The following MYRIP variants were observed in gnomAD, a reference collection of about 807,000 sequenced individuals.
MYRIP encodes the protein myosin VIIA and Rab interacting protein.
A neutral mutation model predicts 98.0 loss-of-function variants in MYRIP; 49 were observed. The ratio of observed to expected loss-of-function variants is 0.50; its 90% CI spans 0.40 to 0.63. The LOEUF (loss-of-function observed/expected upper bound fraction) is 0.63, where lower values mean the gene tolerates loss of function less well. MYRIP is among the 30% of genes least tolerant of loss of function. The pLI, the probability that MYRIP is intolerant of heterozygous loss-of-function variation, is 0.00. For missense variants in MYRIP, 1,004 were observed against 1,058.2 expected, an observed-to-expected ratio of 0.95 and a Z score of 0.71; for synonymous variants, 404 against 409.5, an observed-to-expected ratio of 0.99 and a Z score of 0.16.
At chr3:40,178,686 A>G (rs2125611363) in intron 8 of MYRIP, among the ~76,000 whole-genome samples, 1 of 152,352 alleles carries the variant, frequency 6.6e-6, no homozygotes, top group Admixed American at 6.5e-5. Flanking sequence ...TGCGCTATGC[A>G]TGATACTGAT....
intron 2 of MYRIP, among the ~76,000 whole-genome samples, chr3:40,025,463 T>G (rs1947103881): frequency 6.6e-6 from 1 of 152,106 alleles, no homozygotes; most frequent in South Asian, 2.1e-4. Context: ...AAGTATACTT[T>G]TAAATTATCA....
At chr3:40,159,011 T>C (rs891912109) in intron 4 of MYRIP, among the ~76,000 whole-genome samples, 5 of 152,130 alleles carry the variant, frequency 3.3e-5, no homozygotes, top group Admixed American at 6.5e-5. Context: ...GTTAATATTG[T>C]TATATGTGAA....
intron 3 of MYRIP, among the ~76,000 whole-genome samples, chr3:40,129,973 C>T (rs1009526836): frequency 2.0e-5 from 3 of 152,178 alleles, no homozygotes; most frequent in African/African-American, 4.8e-5. Flanking sequence ...ACTGCTTATA[C>T]AACAAGTCCC....
intron 2 of MYRIP, among the ~76,000 whole-genome samples, chr3:39,954,634 C>G (rs535158082): frequency 2.0e-5 from 3 of 152,098 alleles, no homozygotes; most frequent in Non-Finnish European, 4.4e-5. Context: ...GAATGCAGCC[C>G]CTTGCCAGCA....
chr3:40,168,594 C>T (rs1340241221), intron 7 of MYRIP, among the ~76,000 whole-genome samples: 3 of 152,240 alleles, frequency 2.0e-5, no homozygotes, highest in African/African-American at 4.8e-5. Context: ...CACACATCTG[C>T]AGTAGCTGCA....
intron 2 of MYRIP, among the ~76,000 whole-genome samples, chr3:39,974,558 A>G (rs1466186017): frequency 6.6e-6 from 1 of 152,236 alleles, no homozygotes; most frequent in African/African-American, 2.4e-5. Context: ...TTATGAGGCC[A>G]GCATCATCCC....
chr3:39,998,148 A>C (rs1206566656), intron 2 of MYRIP, among the ~76,000 whole-genome samples: 2 of 151,924 alleles, frequency 1.3e-5, no homozygotes, highest in Non-Finnish European at 2.9e-5. Context: ...CTCTCTCACC[A>C]CTCCTATTCA....
chr3:40,083,118 C>T (rs1021187319), intron 3 of MYRIP, among the ~76,000 whole-genome samples: 3 of 152,210 alleles, frequency 2.0e-5, no homozygotes, highest in Non-Finnish European at 4.4e-5. Flanking sequence ...CTGCTGTGCA[C>T]TGTATTCCAG....
In MYRIP at chr3:39,973,735, G is replaced by T. The variant is rs558158574; in HGVS notation, c.111-70315G>T. Among the ~76,000 whole-genome samples, 163 of 152,242 alleles carry T rather than the reference G, an allele frequency of 1.1e-3. 1 individual carries two copies. The highest frequency in any genetic ancestry group is 3.7e-3 in the African/African-American group (153 of 41,552). On this transcript the variant is annotated intron_variant, in intron 2 of 16. Transcript: ENST00000302541. Reference sequence around the variant, plus strand: ...GCAGTGCAATCAAACTAGAACTCAGGATTAAGAAACTCATTCAAAACCGCC... The same window carrying T: ...GCAGTGCAATCAAACTAGAACTCAGTATTAAGAAACTCATTCAAAACCGCC...
intron 2 of MYRIP, among the ~76,000 whole-genome samples, chr3:39,985,071 GTT>G (rs768268035): frequency 6.4e-4 from 68 of 106,436 alleles, no homozygotes; most frequent in Admixed American, 1.1e-3. Flanking sequence ...TTTTGATGGG[GTT>G]TTGTTTTTTT....
chr3:40,075,269 G>C lies in MYRIP; in HGVS notation c.332+30998G>C, dbSNP rs571310433. On this transcript the variant is annotated intron_variant, in intron 3 of 16. Transcript: ENST00000302541. ...CATTAAACTTGACCAACTTACAAAA[G>C]AGTGGCAAAGATACAAATAAGTACA... Among the ~76,000 whole-genome samples, 3 of 152,300 alleles carry C rather than the reference G, an allele frequency of 2.0e-5. No individual in the cohort carries two copies. In the South Asian group the frequency reaches 6.2e-4, roughly 32 times the overall value.
At chr3:39,852,944 C>G (rs1942177736) in intron 1 of MYRIP, among the ~76,000 whole-genome samples, 1 of 152,154 alleles carries the variant, frequency 6.6e-6, no homozygotes, top group South Asian at 2.1e-4. Flanking sequence ...CCACACCTGG[C>G]TAATTTTTTA....
intron 1 of MYRIP, among the ~76,000 whole-genome samples, chr3:39,824,412 G>A (rs947689533): frequency 3.3e-5 from 5 of 151,954 alleles, no homozygotes; most frequent in Non-Finnish European, 7.4e-5. Flanking sequence ...TTTTGATAGG[G>A]ATTATTTCAT....
At chr3:39,813,493 G>A (rs974811547) in intron 1 of MYRIP, among the ~76,000 whole-genome samples, 8 of 152,186 alleles carry the variant, frequency 5.3e-5, no homozygotes, top group African/African-American at 1.9e-4. Flanking sequence ...CACAATAGGA[G>A]GAGGATGGCT....
rs916885604 is a variant in MYRIP, at chr3:39,836,608, C to T, written c.-31+26692C>T. On this transcript the variant is annotated intron_variant, in intron 1 of 16. Coordinates refer to ENST00000302541, the MANE Select transcript of MYRIP (RefSeq NM_015460.4). ...TGTCCCTTGCAGACCCCTGACCCGGCGACAGATGATTAAAGTACACTGGCA... is the reference window on the plus strand; with the variant it reads ...TGTCCCTTGCAGACCCCTGACCCGGTGACAGATGATTAAAGTACACTGGCA... Among the ~76,000 whole-genome samples the T allele has an allele frequency of 1.8e-4, 28 of 152,240 alleles. 1 individual carries two copies. The highest frequency in any genetic ancestry group is 6.5e-4 in the Admixed American group (10 of 15,296).
intron 10 of MYRIP, among the ~76,000 whole-genome samples, chr3:40,198,039 A>G (rs1951447550): frequency 6.6e-6 from 1 of 152,206 alleles, no homozygotes; most frequent in African/African-American, 2.4e-5. Flanking sequence ...AATGAATTAG[A>G]AAGAACAGAC....
intron 3 of MYRIP, among the ~76,000 whole-genome samples, chr3:40,088,034 G>T (rs1334141632): frequency 6.6e-6 from 1 of 152,160 alleles, no homozygotes; most frequent in Non-Finnish European, 1.5e-5. Flanking sequence ...AGAAGTGCCA[G>T]GCTCTGTGCA....
chr3:40,111,761 A>C (rs1949163010), intron 3 of MYRIP, among the ~76,000 whole-genome samples: 1 of 152,160 alleles, frequency 6.6e-6, no homozygotes, highest in South Asian at 2.1e-4. Flanking sequence ...TTTGGGAAAA[A>C]AAAAAGTTAC....
rs184217534 is a variant in MYRIP, at chr3:40,103,496, C to T, written c.333-47552C>T. Among the ~76,000 whole-genome samples, 111 of 152,354 alleles carry T rather than the reference C, an allele frequency of 7.3e-4. No individual in the cohort carries two copies. In the Middle Eastern group the frequency reaches 0.01, roughly 14 times the overall value. On this transcript the variant is annotated intron_variant, in intron 3 of 16. Coordinates refer to ENST00000302541, the MANE Select transcript of MYRIP (RefSeq NM_015460.4). ...CCACAGAACTGGGCGTGGTGGCTCA[C>T]GCCTATAATCCCAACACTTTGGGAG...
Sources: allele counts gnomAD v4.1 joint callset (sites outside exome capture counted in the v4.1 genomes callset), GRCh38; gene constraint gnomAD v4.1.1; transcripts MANE v1.5; gene names NCBI Gene and HGNC (gene_info 2026-07-23, HGNC 2026-07-21).